Variants in PTPRD observed in about 807,000 individuals in gnomAD.
PTPRD encodes protein tyrosine phosphatase receptor type D.
PTPRD carries 34 observed loss-of-function variants against 214.5 expected under a neutral mutation model. The ratio of observed to expected loss-of-function variants is 0.16; its 90% CI spans 0.12 to 0.21. PTPRD has a LOEUF of 0.21. Ranked by LOEUF, PTPRD falls within the 10% of genes least tolerant of loss-of-function variation. PTPRD has a pLI of 1.00. For missense variants in PTPRD, 2,545 were observed against 2,398.7 expected, an observed-to-expected ratio of 1.06 and a Z score of -1.27; for synonymous variants, 1,128 against 845.7, an observed-to-expected ratio of 1.33 and a Z score of -5.79.
chr9:8,466,608 G>A (rs1312404083), intron 31 of PTPRD, among the ~76,000 whole-genome samples: 2 of 151,844 alleles, frequency 1.3e-5, no homozygotes, highest in Non-Finnish European at 1.5e-5. Context: ...GTTTAACAAG[G>A]GAAAGGTCTG....
chr9:10,393,084 T>C (rs1332119596), intron 2 of PTPRD, among the ~76,000 whole-genome samples: 1 of 151,888 alleles, frequency 6.6e-6, no homozygotes, highest in Non-Finnish European at 1.5e-5. Context: ...TAGCCTTTCC[T>C]ATACAACAGT....
At chr9:9,001,380 T>C (rs1053427293) in intron 11 of PTPRD, among the ~76,000 whole-genome samples, 2 of 152,012 alleles carry the variant, frequency 1.3e-5, no homozygotes, top group Non-Finnish European at 2.9e-5. Context: ...TTGAGTTACC[T>C]GTACAAGTTT....
At chr9:10,308,879 G>T (rs1406161465) in intron 3 of PTPRD, among the ~76,000 whole-genome samples, 2 of 152,010 alleles carry the variant, frequency 1.3e-5, no homozygotes. Context: ...TGGGCGGTTA[G>T]ACTGCTTCCA....
chr9:9,949,820 GAAGAGC>G (rs1586902078), intron 4 of PTPRD, among the ~76,000 whole-genome samples: 1 of 152,184 alleles, frequency 6.6e-6, no homozygotes, highest in Non-Finnish European at 1.5e-5. Flanking sequence ...CCAACACTCT[GAAGAGC>G]AAGTAGAGAT....
chr9:10,300,732 A>G (rs947401199), intron 3 of PTPRD, among the ~76,000 whole-genome samples: 19 of 152,184 alleles, frequency 1.2e-4, no homozygotes, highest in Non-Finnish European at 2.4e-4. Context: ...CTCTCTAGGC[A>G]GGGTATCTCT....
chr9:9,223,986 A>C (rs1282513273), intron 9 of PTPRD, among the ~76,000 whole-genome samples: 1 of 152,082 alleles, frequency 6.6e-6, no homozygotes, highest in African/African-American at 2.4e-5. Flanking sequence ...TAAGTATTGA[A>C]TATAACAAAT....
intron 5 of PTPRD, among the ~76,000 whole-genome samples, chr9:9,879,557 G>A (rs1299518385): frequency 2.6e-5 from 4 of 152,204 alleles, no homozygotes. Flanking sequence ...AAGCTTGCAA[G>A]TATTTGACAC....
At position 9,947,532 on chromosome 9, in the gene PTPRD, TTTATATATA is replaced by T. The variant is rs2092882598; in HGVS notation, c.-471-8931_-471-8923del. Among the ~76,000 whole-genome samples the T allele has an allele frequency of 4.3e-4, 9 of 21,176 alleles. No homozygotes were observed. The South Asian group carries it at 0.012, about 28-fold the overall frequency. 13.9% of individuals were successfully genotyped at this position (21,176 alleles called of 152,430 possible). ...TATATAATATATATATTATATATAT[TTTATATATA>T]ATATATATATTATATATATATTTTA... is the stretch of plus-strand genomic sequence containing the variant. On this transcript the variant is annotated intron_variant, in intron 4 of 45. Transcript: ENST00000381196.
chr9:10,018,360 A>G (rs1279387238), intron 4 of PTPRD, among the ~76,000 whole-genome samples: 2 of 152,076 alleles, frequency 1.3e-5, no homozygotes, highest in Non-Finnish European at 2.9e-5. Flanking sequence ...AGACTTTCTC[A>G]GTGTATCTGT....
At chr9:9,290,842 T>C (rs772937828) in intron 9 of PTPRD, among the ~76,000 whole-genome samples, 6 of 151,496 alleles carry the variant, frequency 4.0e-5, no homozygotes, top group Admixed American at 1.3e-4. Context: ...TCAAGAAATA[T>C]ATATTTTGTG....
At chr9:9,275,091 GTT>G (rs1944622291) in intron 9 of PTPRD, among the ~76,000 whole-genome samples, 1 of 53,176 alleles carries the variant, frequency 1.9e-5, no homozygotes, top group African/African-American at 6.9e-5. Context: ...TAATATATAT[GTT>G]ATATATATAA....
chr9:8,857,554 A>C (rs2154544680), intron 11 of PTPRD: 1 of 152,626 alleles, frequency 6.6e-6, no homozygotes, highest in Admixed American at 6.5e-5. Context: ...AGGCGCCGGC[A>C]GCCGGAGCCG....
rs2099788918 is a variant in PTPRD, at chr9:9,099,853, G to C, written c.-142-81118C>G. 3.9e-5 allele frequency among the ~76,000 whole-genome samples: 6 copies of C among 152,120 alleles called. No individual in the cohort carries two copies. The South Asian group carries it at 1.2e-3, about 32-fold the overall frequency. On this transcript the variant is annotated intron_variant, in intron 10 of 45. Coordinates refer to ENST00000381196, the MANE Select transcript of PTPRD (RefSeq NM_002839.4). ...ATCAAACTCATTGCTTTTGCAATGTGAATTAATTAGAGTTGGAGAGAGCTA... is the reference window on the plus strand; with the variant it reads ...ATCAAACTCATTGCTTTTGCAATGTCAATTAATTAGAGTTGGAGAGAGCTA...
At chr9:10,321,687 G>T (rs1384837740) in intron 3 of PTPRD, among the ~76,000 whole-genome samples, 1 of 151,896 alleles carries the variant, frequency 6.6e-6, no homozygotes, top group Non-Finnish European at 1.5e-5. Flanking sequence ...AAATTTAAAA[G>T]AAACAATGGT....
chr9:9,893,733 T>C (rs2074121889), intron 5 of PTPRD, among the ~76,000 whole-genome samples: 1 of 152,104 alleles, frequency 6.6e-6, no homozygotes, highest in African/African-American at 2.4e-5. Flanking sequence ...TAATCACTTA[T>C]CATGTTAAAA....
chr9:8,945,553 T>A (rs996544978), intron 11 of PTPRD, among the ~76,000 whole-genome samples: 16 of 152,066 alleles, frequency 1.1e-4, no homozygotes, highest in Admixed American at 5.2e-4. Flanking sequence ...CTACAGAGTA[T>A]CTTTATGATA....
At chr9:10,422,390 T>C (rs1023931439) in intron 2 of PTPRD, among the ~76,000 whole-genome samples, 4 of 152,014 alleles carry the variant, frequency 2.6e-5, no homozygotes, top group Admixed American at 6.6e-5. Context: ...ATTCAGGACA[T>C]AGGCATGGGT....
intron 7 of PTPRD, among the ~76,000 whole-genome samples, chr9:9,625,713 G>C (rs1219744921): frequency 6.6e-6 from 1 of 152,126 alleles, no homozygotes; most frequent in Non-Finnish European, 1.5e-5. Context: ...CGCAGCAAGG[G>C]AATTATGAGG....
intron 5 of PTPRD, among the ~76,000 whole-genome samples, chr9:9,923,017 A>G (rs2083032647): frequency 6.6e-6 from 1 of 152,026 alleles, no homozygotes; most frequent in Admixed American, 6.6e-5. Context: ...TACTGTAGGT[A>G]AGTAAGACTA....
Sources: gnomAD v4.1 joint callset for allele counts (sites outside exome capture counted in the v4.1 genomes callset) on GRCh38, gnomAD v4.1.1 for gene constraint, MANE v1.5 for transcripts, NCBI Gene and HGNC (gene_info 2026-07-23, HGNC 2026-07-21) for gene names.